The following HMMR variants were observed in gnomAD, a reference collection of about 807,000 sequenced individuals.
HMMR encodes intracellular hyaluronic acid-binding protein.
Under a neutral mutation model 101.0 loss-of-function variants are expected in HMMR, and 108 were observed. That is an observed-to-expected ratio of 1.07 (90% CI 0.92 to 1.25). The LOEUF (loss-of-function observed/expected upper bound fraction) is 1.25, where lower values mean the gene tolerates loss of function less well. Among genes scored for constraint, HMMR ranks in the 50% most tolerant of loss-of-function variants. The pLI is 0.00. For synonymous variants in HMMR, 296 were observed against 276.4 expected (o/e 1.07, Z -0.70); for missense variants, 813 against 788.7 (o/e 1.03, Z -0.37).
At chr5:163,463,146 T>A (rs1440189686) in intron 1 of HMMR, among the ~76,000 whole-genome samples, 1 of 152,176 alleles carries the variant, frequency 6.6e-6, no homozygotes, top group East Asian at 1.9e-4. Context: ...AGTATAAACT[T>A]CTGGAACATA....
intron 3 of HMMR, chr5:163,465,186 A>C (rs184002187): frequency 9.1e-5 from 18 of 198,554 alleles, no homozygotes; most frequent in Non-Finnish European, 1.4e-4. Flanking sequence ...AAAAAATGCC[A>C]ATATCTAAGA....
intron 11 of HMMR, among the ~76,000 whole-genome samples, chr5:163,476,099 G>T (rs2113486367): frequency 6.6e-6 from 1 of 152,156 alleles, no homozygotes; most frequent in East Asian, 1.9e-4. Context: ...GACTGCTTGA[G>T]CTCAGGAGTT....
Position 163,475,580 on chromosome 5 carries a change from G to A in HMMR, c.1176G>A (p.Lys392=), listed in dbSNP as rs1431298429. The change falls in exon 11 of 18, where the codon AAG becomes AAA. Residue 392 remains lysine (K), a synonymous_variant. Coordinates refer to ENST00000393915, the MANE Select transcript of HMMR (RefSeq NM_001142556.2). Reference sequence around the variant, plus strand: ...ATGAGCTTGATAAATTACAGCAAAAGGAGGAACAAGCTGAAAGGCTGGTCA... The same window carrying A: ...ATGAGCTTGATAAATTACAGCAAAAAGAGGAACAAGCTGAAAGGCTGGTCA... The part of the protein sequence containing the change: ...TLDELDKLQQ[K]EEQAERLVKQ... 1 of 1,612,692 alleles carries A rather than the reference G, an allele frequency of 6.2e-7. No individual in the cohort carries two copies. The highest frequency in any genetic ancestry group is 1.7e-5 in the Admixed American group (1 of 59,976).
chr5:163,481,043 A>G (rs1042032237), intron 12 of HMMR, among the ~76,000 whole-genome samples: 1 of 152,026 alleles, frequency 6.6e-6, no homozygotes, highest in Non-Finnish European at 1.5e-5. Context: ...AAAAGTCTTA[A>G]AATTTCACTT....
At chr5:163,490,354 A>G in intron 16 of HMMR, 36 bp from the exon 17 acceptor site, 5 of 1,377,868 alleles carry the variant, frequency 3.6e-6, no homozygotes, top group East Asian at 2.3e-5. Context: ...ATACTCTTTA[A>G]TAATTGTTTA....
chr5:163,470,993 C>T (rs1581191270), intron 5 of HMMR, among the ~76,000 whole-genome samples, 192 bp from the exon 6 acceptor site: 1 of 151,924 alleles, frequency 6.6e-6, no homozygotes, highest in East Asian at 1.9e-4. Flanking sequence ...GACTTGATCT[C>T]TTAAAAAGAA....
chr5:163,464,119 GTCA>G (rs1256527043), intron 2 of HMMR, among the ~76,000 whole-genome samples, 165 bp downstream of exon 2: 2 of 152,116 alleles, frequency 1.3e-5, no homozygotes, highest in Non-Finnish European at 2.9e-5. Context: ...GAATAATGCT[GTCA>G]TCATTACATT....
intron 8 of HMMR, 23 bp from the exon 9 acceptor site, chr5:163,473,356 T>G: frequency 6.3e-7 from 1 of 1,590,702 alleles, no homozygotes. Context: ...ATGTGCTTTT[T>G]AAGATAATTT....
At chr5:163,472,550 T>C (rs1012905067) in intron 7 of HMMR, among the ~76,000 whole-genome samples, 6 of 152,196 alleles carry the variant, frequency 3.9e-5, no homozygotes, top group Non-Finnish European at 7.3e-5. Context: ...ATACACCCCC[T>C]GGCAATGTAT....
chr5:163,483,190 C>T lies in HMMR; in HGVS notation c.1685+18C>T. 2 of 1,605,882 alleles carry T rather than the reference C, an allele frequency of 1.2e-6. No homozygotes were observed. The highest frequency in any genetic ancestry group is 1.7e-6 in the Non-Finnish European group (2 of 1,175,432). ...GAAGGAAGGTAATCTATGATTAGAA[C>T]CTGAGTGCCTTGTTAACTCAGTTAC... On this transcript the variant is annotated intron_variant, in intron 14 of 17. Coordinates refer to ENST00000393915, the MANE Select transcript of HMMR (RefSeq NM_001142556.2).
intron 9 of HMMR, among the ~76,000 whole-genome samples, chr5:163,473,780 C>G (rs1000656177): frequency 1.3e-5 from 2 of 151,864 alleles, no homozygotes; most frequent in Non-Finnish European, 1.5e-5. Context: ...AGCATATTAC[C>G]TGTCTTGATT....
chr5:163,486,944 C>T (rs879493113), intron 16 of HMMR, among the ~76,000 whole-genome samples: 5 of 152,112 alleles, frequency 3.3e-5, no homozygotes, highest in African/African-American at 4.8e-5. Context: ...CTAGGTGTGG[C>T]GGCGGGCGCC....
At chr5:163,469,192 G>A (rs960665833) in intron 4 of HMMR, among the ~76,000 whole-genome samples, 8 of 151,086 alleles carry the variant, frequency 5.3e-5, no homozygotes, top group Non-Finnish European at 1.2e-4. Flanking sequence ...GTGAAACCCC[G>A]TCTCTATTAA....
At chr5:163,461,137 T>C (rs929479338) in intron 1 of HMMR, among the ~76,000 whole-genome samples, 2 of 152,134 alleles carry the variant, frequency 1.3e-5, no homozygotes, top group Admixed American at 6.5e-5. Context: ...TTTTGTGTAT[T>C]CCATTTGGGC....
intron 16 of HMMR, among the ~76,000 whole-genome samples, chr5:163,487,984 T>C (rs888525866): frequency 2.0e-5 from 3 of 152,014 alleles, no homozygotes; most frequent in Non-Finnish European, 4.4e-5. Flanking sequence ...GCCTCCCAAG[T>C]AGCTGGGACT....
At chr5:163,473,304 C>A in intron 8 of HMMR, 51 bp downstream of exon 8, 2 of 1,472,802 alleles carry the variant, frequency 1.4e-6, no homozygotes, top group South Asian at 2.4e-5. Context: ...AATACTCAGT[C>A]ATTTTCATCA....
Position 163,462,159 on chromosome 5 carries a change from C to T in HMMR, c.46+1421C>T, listed in dbSNP as rs571419069. On this transcript the variant is annotated intron_variant, in intron 1 of 17. Transcript: ENST00000393915. ...AGGACCTACTCTTAAGTTTTGTCAG[C>T]AGTGTGGCTTTAAGGTTTTTTTGGT... 2.0e-5 allele frequency among the ~76,000 whole-genome samples: 3 copies of T among 152,268 alleles called. No homozygotes were observed. The East Asian group carries it at 5.8e-4, about 29-fold the overall frequency.
intron 3 of HMMR, among the ~76,000 whole-genome samples, chr5:163,466,557 T>TTCCAACTCAAG (rs1758714627): frequency 6.6e-6 from 1 of 152,212 alleles, no homozygotes; most frequent in African/African-American, 2.4e-5. Flanking sequence ...TTTAAATATT[T>TTCCAACTCAAG]TTGGAACAAC....
In HMMR at chr5:163,460,685, C is replaced by T. The variant is rs774098944; in HGVS notation, c.-8C>T. 27 of 1,603,290 alleles carry T rather than the reference C, an allele frequency of 1.7e-5. No homozygotes were observed. The Admixed American group carries it at 4.6e-4, about 27-fold the overall frequency. On this transcript the variant is annotated 5_prime_UTR_variant, in exon 1 of 18. Coordinates refer to ENST00000393915, the MANE Select transcript of HMMR (RefSeq NM_001142556.2). ...AGTCACCTTCAGTTTCTGGAGCTGG[C>T]CGTCAACATGTCCTTTCCTAAGGCG...
Sources: allele counts gnomAD v4.1 joint callset (sites outside exome capture counted in the v4.1 genomes callset), GRCh38; gene constraint gnomAD v4.1.1; transcripts MANE v1.5; gene names NCBI Gene and HGNC (gene_info 2026-07-23, HGNC 2026-07-21).